TBC1D31: variants seen among roughly 807,000 people sequenced by gnomAD.
TBC1D31 encodes WD repeat domain 67.
In TBC1D31, 99 loss-of-function variants were observed where a neutral mutation model predicts 132.9. The ratio of observed to expected loss-of-function variants is 0.74; its 90% CI spans 0.63 to 0.88. The LOEUF is 0.88. Among genes scored for constraint, TBC1D31 ranks in the 40% least tolerant of loss-of-function variants. The pLI is 0.00. For synonymous variants in TBC1D31, 385 were observed against 419.4 expected, an observed-to-expected ratio of 0.92 and a Z score of 1.00; for missense variants, 1,134 against 1,256.6, an observed-to-expected ratio of 0.90 and a Z score of 1.48.
In TBC1D31 at chr8:123,072,815, C is replaced by T; in HGVS notation, c.46C>T (p.His16Tyr). The T allele has an allele frequency of 6.4e-7, 1 of 1,573,404 alleles. No individual in the cohort carries two copies. The highest frequency in any genetic ancestry group is 8.6e-7 in the Non-Finnish European group (1 of 1,159,958). ...LGNKESGKIW[H>Y]RKPSPATRDG... ...CAACAAGGAGAGCGGCAAGATATGGCACCGCAAGCCGTCCCCGGCCACGCG... is the reference window on the plus strand; with the variant it reads ...CAACAAGGAGAGCGGCAAGATATGGTACCGCAAGCCGTCCCCGGCCACGCG... Residue 16 changes from histidine (H) to tyrosine (Y), a missense_variant, in exon 1 of 22, where the codon CAC becomes TAC. Physicochemically the swap from His to Tyr is moderately conservative, Grantham distance 83. Coordinates refer to ENST00000287380, the MANE Select transcript of TBC1D31 (RefSeq NM_145647.4).
intron 20 of TBC1D31, among the ~76,000 whole-genome samples, chr8:123,147,427 C>T (rs1822329470): frequency 6.6e-6 from 1 of 152,204 alleles, no homozygotes; most frequent in African/African-American, 2.4e-5. Flanking sequence ...CTGCGTGGCC[C>T]TCCCAAAGTG....
In TBC1D31 at chr8:123,128,435, A is replaced by G. The variant is rs148399547; in HGVS notation, c.2039A>G (p.Tyr680Cys). The G allele has an allele frequency of 5.0e-6, 8 of 1,613,910 alleles. No homozygotes were observed. In the African/African-American group the frequency reaches 9.3e-5, roughly 19 times the overall value. ...GGGCAGTATCCAGTATTTAATCAAT[A>G]TCCAAAGTTTATTGTGGACTATCAA... ...TKGQYPVFNQ[Y>C]PKFIVDYQTQ... is the part of the protein sequence containing the mutation. The change falls in exon 14 of 22, where the codon TAT (tyrosine) becomes TGT (cysteine). Residue 680 changes from tyrosine to cysteine, a missense_variant. Tyr to Cys is a radical substitution (Grantham distance 194). Coordinates refer to ENST00000287380, the MANE Select transcript of TBC1D31 (RefSeq NM_145647.4).
At chr8:123,110,873 A>G (rs1183559866) in intron 10 of TBC1D31, among the ~76,000 whole-genome samples, 1 of 152,208 alleles carries the variant, frequency 6.6e-6, no homozygotes, top group Non-Finnish European at 1.5e-5. Flanking sequence ...TGTACACATT[A>G]CATTTGGTTG....
At chr8:123,157,340 A>G in the TBC1D31 span, among the ~76,000 whole-genome samples, 4 of 152,092 alleles carry the variant, frequency 2.6e-5, no homozygotes, top group African/African-American at 4.8e-5. Flanking sequence ...TTCTGAGGCT[A>G]TACAGCTGGT....
At chr8:123,114,195 C>T (rs1818706349) in intron 10 of TBC1D31, among the ~76,000 whole-genome samples, 1 of 152,166 alleles carries the variant, frequency 6.6e-6, no homozygotes, top group South Asian at 2.1e-4. Context: ...TATAATAAAA[C>T]ATGGATTTAT....
intron 5 of TBC1D31, among the ~76,000 whole-genome samples, chr8:123,097,029 T>TA (rs1014032468): frequency 6.6e-5 from 10 of 152,040 alleles, no homozygotes; most frequent in Non-Finnish European, 1.3e-4. Flanking sequence ...GCACAGTAGG[T>TA]AAAAAAAATA....
In TBC1D31 at chr8:123,140,824, C is replaced by T. The variant is rs147736638; in HGVS notation, c.2563C>T (p.Arg855Ter). ...GCGAGCAGATGCAGATGCCTATAGA[C>T]GAAAAGTGGATCTTGAAGAACACAT... The part of the protein sequence containing the change: ...EMRADADAYR[R>*]KVDLEEHMFH... The change falls in exon 18 of 22, where the codon CGA becomes TGA. Residue 855 changes from arginine to a stop codon, truncating the protein, a stop_gained. Transcript: ENST00000287380. LOFTEE classifies it high-confidence loss of function. 112 of 1,613,338 alleles carry T rather than the reference C, an allele frequency of 6.9e-5. No homozygotes were observed. The highest frequency in any genetic ancestry group is 8.9e-5 in the Non-Finnish European group (105 of 1,179,642).
chr8:123,139,045 C>A (rs1158858892), intron 17 of TBC1D31, among the ~76,000 whole-genome samples: 2 of 151,600 alleles, frequency 1.3e-5, no homozygotes, highest in African/African-American at 2.4e-5. Flanking sequence ...TGGGCTCAAG[C>A]AGTCCTCCCA....
intron 13 of TBC1D31, 125 bp from the exon 14 acceptor site, chr8:123,128,156 A>T: frequency 4.0e-6 from 2 of 495,310 alleles, no homozygotes; most frequent in Non-Finnish European, 3.5e-6. Flanking sequence ...GAAAAGCTTT[A>T]ATGAATTTGC....
the TBC1D31 span, among the ~76,000 whole-genome samples, chr8:123,159,447 CTA>C: frequency 6.6e-6 from 1 of 152,100 alleles, no homozygotes; most frequent in African/African-American, 2.4e-5. Flanking sequence ...GAGTATGAGA[CTA>C]TTTCTGTAGA....
chr8:123,112,555 T>C (rs1055417146), intron 10 of TBC1D31, among the ~76,000 whole-genome samples: 8 of 152,236 alleles, frequency 5.3e-5, no homozygotes, highest in Non-Finnish European at 1.0e-4. Flanking sequence ...TTTAAAGCAA[T>C]GTACAGAAAT....
the TBC1D31 span, among the ~76,000 whole-genome samples, chr8:123,157,443 C>T: frequency 1.3e-5 from 2 of 152,172 alleles, no homozygotes; most frequent in African/African-American, 4.8e-5. Context: ...GCCCCTGTCC[C>T]GTTTGTCAAT....
intron 2 of TBC1D31, among the ~76,000 whole-genome samples, chr8:123,081,528 C>G (rs1314379901): frequency 6.6e-6 from 1 of 152,040 alleles, no homozygotes; most frequent in Non-Finnish European, 1.5e-5. Context: ...TAAAATATCT[C>G]AATAATTTTT....
chr8:123,118,161 G>A (rs1336092504), intron 10 of TBC1D31, among the ~76,000 whole-genome samples: 1 of 152,182 alleles, frequency 6.6e-6, no homozygotes, highest in Non-Finnish European at 1.5e-5. Context: ...CAAAACACAT[G>A]TAATGTTGAA....
At chr8:123,152,772 G>A (rs890187767), downstream of TBC1D31, among the ~76,000 whole-genome samples, 2 of 152,112 alleles carry the variant, frequency 1.3e-5, no homozygotes, top group African/African-American at 2.4e-5. Flanking sequence ...TTGGAAGGCA[G>A]GGGGAGGGGA....
chr8:123,108,125 T>A (rs956167173), intron 8 of TBC1D31, among the ~76,000 whole-genome samples: 3 of 152,188 alleles, frequency 2.0e-5, no homozygotes, highest in Admixed American at 6.5e-5. Context: ...ACTACCTGTT[T>A]CTTCTTGTAA....
intron 3 of TBC1D31, chr8:123,083,359 C>G (rs963220507): frequency 3.9e-5 from 6 of 152,352 alleles, no homozygotes; most frequent in African/African-American, 1.4e-4. Context: ...AGTTTAAAAA[C>G]CAAATGTATT....
At chr8:123,163,415 A>G in the TBC1D31 span, among the ~76,000 whole-genome samples, 2 of 120,570 alleles carry the variant, frequency 1.7e-5, no homozygotes, top group African/African-American at 6.6e-5. Context: ...CCCAGGCTGG[A>G]GTGCAGTGGT....
intron 11 of TBC1D31, among the ~76,000 whole-genome samples, chr8:123,124,081 A>AAG (rs528807625): frequency 0.067 from 10,180 of 151,574 alleles, 415 homozygotes; most frequent in Non-Finnish European, 0.091. Flanking sequence ...AAAAAAAAAA[A>AAG]AAGTTGCAAC....
Sources: gnomAD v4.1 joint callset for allele counts (sites outside exome capture counted in the v4.1 genomes callset) on GRCh38, gnomAD v4.1.1 for gene constraint, MANE v1.5 for transcripts, NCBI Gene and HGNC (gene_info 2026-07-23, HGNC 2026-07-21) for gene names.